CLIP4: variants seen among roughly 807,000 people sequenced by gnomAD.
The protein encoded by CLIP4 is CAP-Gly domain-containing linker protein 4.
In CLIP4, 47 loss-of-function variants were observed where a neutral mutation model predicts 73.1. That is an observed-to-expected ratio of 0.64 (90% CI 0.51 to 0.82). The LOEUF (loss-of-function observed/expected upper bound fraction) is 0.82, where lower values mean the gene tolerates loss of function less well. Among genes scored for constraint, CLIP4 ranks in the 40% least tolerant of loss-of-function variants. The pLI is 0.00. For synonymous variants in CLIP4, 306 were observed against 295.4 expected (o/e 1.04, Z -0.37); for missense variants, 874 against 852.9 (o/e 1.02, Z -0.31).
chr2:29,130,838 C>T, intron 2 of CLIP4: 1 of 1,289,070 alleles, frequency 7.8e-7, no homozygotes, highest in African/African-American at 1.5e-5. Flanking sequence ...AACAAAAAAA[C>T]CTCAATGAGT....
chr2:29,155,547 T>C (rs1666868691), intron 9 of CLIP4, among the ~76,000 whole-genome samples: 2 of 152,350 alleles, frequency 1.3e-5, no homozygotes, highest in South Asian at 4.1e-4. Flanking sequence ...GGAGGAAACC[T>C]AGTCAAAATG....
At chr2:29,158,912 A>C (rs1440839171) in intron 11 of CLIP4, among the ~76,000 whole-genome samples, 1 of 152,168 alleles carries the variant, frequency 6.6e-6, no homozygotes, top group Non-Finnish European at 1.5e-5. Flanking sequence ...TGGGATTTAC[A>C]GGCATGAGCC....
At chr2:29,126,306 A>G (rs937598311) in intron 2 of CLIP4, among the ~76,000 whole-genome samples, 3 of 152,254 alleles carry the variant, frequency 2.0e-5, no homozygotes, top group African/African-American at 7.2e-5. Context: ...ATATGTTAAT[A>G]TATTATTGCA....
intron 6 of CLIP4, among the ~76,000 whole-genome samples, chr2:29,141,115 G>C (rs1384192853): frequency 6.6e-6 from 1 of 151,926 alleles, no homozygotes; most frequent in East Asian, 1.9e-4. Flanking sequence ...AAGTTTTCTA[G>C]TTTGCATGTA....
rs146639076 is a variant in CLIP4, at chr2:29,171,848, ATCTT to A, written c.1724-2519_1724-2516del. Among the ~76,000 whole-genome samples, 1,391 of 152,058 alleles carry A rather than the reference ATCTT, an allele frequency of 9.1e-3. 15 individuals are homozygous for A. Among genetic ancestry groups the A allele is most frequent in the African/African-American group, 0.032 (1,336 of 41,488 alleles). On this transcript the variant is annotated intron_variant, in intron 14 of 15. Transcript: ENST00000320081. ...TTTACTTTTTTAAAAAAATCTGACA[ATCTT>A]TCTTTTAACCTGAGAGTCTTACTCA... is the stretch of plus-strand genomic sequence containing the variant.
intron 12 of CLIP4, among the ~76,000 whole-genome samples, chr2:29,160,786 A>G (rs1667235892): frequency 6.6e-6 from 1 of 152,204 alleles, no homozygotes. Flanking sequence ...GATTTTTGCT[A>G]CGGATAATCT....
intron 15 of CLIP4, among the ~76,000 whole-genome samples, chr2:29,174,888 T>C (rs1668233271): frequency 6.6e-6 from 1 of 152,220 alleles, no homozygotes; most frequent in Non-Finnish European, 1.5e-5. Context: ...AAAGCCTTTT[T>C]TTTTGTTTTG....
chr2:29,117,360 AC>A (rs1663932591), intron 1 of CLIP4, among the ~76,000 whole-genome samples: 1 of 141,948 alleles, frequency 7.0e-6, no homozygotes, highest in Admixed American at 7.2e-5. Context: ...TTTTTTTGAG[AC>A]GGAGTCTCGC....
At chr2:29,156,912 CT>C (rs1666962799) in intron 10 of CLIP4, among the ~76,000 whole-genome samples, 1 of 152,014 alleles carries the variant, frequency 6.6e-6, no homozygotes, top group African/African-American at 2.4e-5. Context: ...TGAGAGGTGA[CT>C]GATGGTCATT....
chr2:29,172,789 C>A (rs1165600597), intron 14 of CLIP4, among the ~76,000 whole-genome samples: 1 of 152,048 alleles, frequency 6.6e-6, no homozygotes, highest in Non-Finnish European at 1.5e-5. Flanking sequence ...TATCTTTAGA[C>A]CCATCATTCT....
chr2:29,114,684 G>T (rs1344282587), upstream of CLIP4, among the ~76,000 whole-genome samples: 1 of 152,216 alleles, frequency 6.6e-6, no homozygotes, highest in Non-Finnish European at 1.5e-5. Flanking sequence ...CTCTTGCAGA[G>T]ACACTGACAG....
At chr2:29,109,735 AG>A (rs1300620803) in intron 1 of CLIP4, among the ~76,000 whole-genome samples, 3 of 152,126 alleles carry the variant, frequency 2.0e-5, no homozygotes, top group East Asian at 3.9e-4. Context: ...GTGTCTTCTC[AG>A]GAACTAGGGC....
intron 12 of CLIP4, among the ~76,000 whole-genome samples, chr2:29,161,439 T>G (rs1295328808): frequency 1.3e-5 from 2 of 151,818 alleles, no homozygotes; most frequent in African/African-American, 4.8e-5. Flanking sequence ...AAAAAAAGTT[T>G]GTAGCATTTA....
chr2:29,141,661 A>G (rs1268499072), intron 6 of CLIP4, among the ~76,000 whole-genome samples: 2 of 152,050 alleles, frequency 1.3e-5, no homozygotes, highest in African/African-American at 4.8e-5. Flanking sequence ...CATTTGCATG[A>G]TAGATCTCTC....
At chr2:29,110,065 TA>T (rs1158302674) in intron 1 of CLIP4, among the ~76,000 whole-genome samples, 5 of 150,090 alleles carry the variant, frequency 3.3e-5, no homozygotes, top group African/African-American at 1.3e-4. Flanking sequence ...CTCAAAAAAA[TA>T]AAAAAAGAAT....
At chr2:29,104,271 G>T (rs555521291) in intron 1 of CLIP4, among the ~76,000 whole-genome samples, 113 of 151,524 alleles carry the variant, frequency 7.5e-4, no homozygotes, top group African/African-American at 2.6e-3. Flanking sequence ...CTTTTCTAGG[G>T]TCTCTTTGTT....
intron 1 of CLIP4, among the ~76,000 whole-genome samples, chr2:29,103,976 G>A (rs952095751): frequency 3.3e-5 from 5 of 151,780 alleles, no homozygotes; most frequent in African/African-American, 4.8e-5. Flanking sequence ...CAAAGTGCTG[G>A]GATTACAGGT....
At chr2:29,104,721 A>C (rs1229071592) in intron 1 of CLIP4, among the ~76,000 whole-genome samples, 1 of 152,208 alleles carries the variant, frequency 6.6e-6, no homozygotes, top group Non-Finnish European at 1.5e-5. Context: ...TCATGATGCC[A>C]CTGGATTCTG....
At chr2:29,179,305 T>C (rs1416077227) in intron 15 of CLIP4, among the ~76,000 whole-genome samples, 1 of 152,266 alleles carries the variant, frequency 6.6e-6, no homozygotes, top group African/African-American at 2.4e-5. Context: ...GTTTTCTATG[T>C]CATTTAAAAC....
Sources: allele counts gnomAD v4.1 joint callset (sites outside exome capture counted in the v4.1 genomes callset), GRCh38; gene constraint gnomAD v4.1.1; transcripts MANE v1.5; gene names NCBI Gene and HGNC (gene_info 2026-07-23, HGNC 2026-07-21).